NXPE2: variants seen among roughly 807,000 people sequenced by gnomAD.
NXPE2 encodes the protein NXPE family member 2.
Under a neutral mutation model 34.4 loss-of-function variants are expected in NXPE2, and 34 were observed. The observed-to-expected ratio is 0.99, with a 90% CI of 0.75 to 1.31. NXPE2 has a LOEUF of 1.31. Among genes scored for constraint, NXPE2 ranks in the 40% most tolerant of loss-of-function variants. The pLI, the probability that NXPE2 is intolerant of heterozygous loss-of-function variation, is 0.00. For synonymous variants in NXPE2, 235 were observed against 231.3 expected, an observed-to-expected ratio of 1.02 and a Z score of -0.15; for missense variants, 649 against 672.5, an observed-to-expected ratio of 0.97 and a Z score of 0.39.
the NXPE2 span, among the ~76,000 whole-genome samples, chr11:114,800,166 A>C: frequency 6.6e-6 from 1 of 152,218 alleles, no homozygotes. Context: ...AATTCTTATT[A>C]GTTCACAGCA....
chr11:114,655,109 C>T, the NXPE2 span, among the ~76,000 whole-genome samples: 1 of 151,420 alleles, frequency 6.6e-6, no homozygotes, highest in African/African-American at 2.4e-5. Context: ...GTTTGTTTGC[C>T]ACGTAAATAT....
chr11:114,761,257 T>A, the NXPE2 span, among the ~76,000 whole-genome samples: 1 of 152,340 alleles, frequency 6.6e-6, no homozygotes, highest in Non-Finnish European at 1.5e-5. Flanking sequence ...ACCAACATTT[T>A]GGGAAAGCAG....
At chr11:114,631,787 C>G in the NXPE2 span, among the ~76,000 whole-genome samples, 3 of 151,004 alleles carry the variant, frequency 2.0e-5, no homozygotes, top group Non-Finnish European at 3.0e-5. Flanking sequence ...CATGAGTAAT[C>G]ACTGTTACCC....
the NXPE2 span, among the ~76,000 whole-genome samples, chr11:114,789,414 G>T: frequency 6.6e-6 from 1 of 152,080 alleles, no homozygotes; most frequent in Non-Finnish European, 1.5e-5. Context: ...CTACAAAAAT[G>T]GTTATTTCCT....
the NXPE2 span, among the ~76,000 whole-genome samples, chr11:114,577,459 G>A: frequency 6.6e-6 from 1 of 152,008 alleles, no homozygotes; most frequent in Non-Finnish European, 1.5e-5. Context: ...TACACTGCTC[G>A]GGCGATGGGT....
the NXPE2 span, among the ~76,000 whole-genome samples, chr11:114,613,661 G>T: frequency 3.3e-5 from 5 of 152,048 alleles, no homozygotes; most frequent in African/African-American, 1.2e-4. Context: ...GGTAACCACA[G>T]TTACCCAGTG....
At chr11:114,727,821 C>G in the NXPE2 span, among the ~76,000 whole-genome samples, 3 of 83,826 alleles carry the variant, frequency 3.6e-5, no homozygotes, top group African/African-American at 1.1e-4. Flanking sequence ...ACACACATAT[C>G]TTTCCCCTTC....
At chr11:114,614,834 G>A in the NXPE2 span, among the ~76,000 whole-genome samples, 1 of 151,958 alleles carries the variant, frequency 6.6e-6, no homozygotes, top group African/African-American at 2.4e-5. Flanking sequence ...GTTATCTGGT[G>A]GATAACAAGT....
At chr11:114,754,702 T>C in the NXPE2 span, among the ~76,000 whole-genome samples, 3 of 150,086 alleles carry the variant, frequency 2.0e-5, no homozygotes, top group African/African-American at 7.4e-5. Flanking sequence ...TGCCAGGGAG[T>C]GAGAGCTCCA....
chr11:114,722,364 A>G, the NXPE2 span, among the ~76,000 whole-genome samples: 3 of 151,930 alleles, frequency 2.0e-5, no homozygotes, highest in Non-Finnish European at 4.4e-5. Flanking sequence ...CCATGACAGT[A>G]AGTATCCTGA....
chr11:114,583,877 G>T, the NXPE2 span: 3 of 391,912 alleles, frequency 7.7e-6, no homozygotes, highest in South Asian at 6.4e-5. Flanking sequence ...CCCAGGAGAT[G>T]GGGACTTATG....
At chr11:114,628,160 C>G in the NXPE2 span, among the ~76,000 whole-genome samples, 1 of 143,832 alleles carries the variant, frequency 7.0e-6, no homozygotes, top group Non-Finnish European at 1.5e-5. Context: ...CAGCTCTGCA[C>G]CAAGTGGACC....
At chr11:114,755,778 C>T in the NXPE2 span, among the ~76,000 whole-genome samples, 5 of 151,624 alleles carry the variant, frequency 3.3e-5, no homozygotes, top group Non-Finnish European at 7.4e-5. Flanking sequence ...CCTATCTTAT[C>T]TATCTTGTTC....
the NXPE2 span, among the ~76,000 whole-genome samples, chr11:114,541,112 T>G: frequency 6.6e-6 from 1 of 152,096 alleles, no homozygotes. Flanking sequence ...TTGGGTCAGT[T>G]TGCAGTTTGA....
chr11:114,679,834 G>A, intron 2 of NXPE2, 72 bp downstream of exon 2: 1 of 857,160 alleles, frequency 1.2e-6, no homozygotes, highest in East Asian at 2.7e-5. Flanking sequence ...CCTTTATCAT[G>A]GCAAGAAATA....
intron 2 of NXPE2, among the ~76,000 whole-genome samples, chr11:114,681,279 C>T (rs1206952796): frequency 1.3e-5 from 2 of 152,170 alleles, no homozygotes; most frequent in African/African-American, 4.8e-5. Context: ...TATTGTGTGT[C>T]AGGCACTGGT....
upstream of NXPE2, among the ~76,000 whole-genome samples, chr11:114,674,380 TGAA>T (rs1352082425): frequency 2.0e-5 from 3 of 151,706 alleles, no homozygotes; most frequent in Admixed American, 2.0e-4. Context: ...TCTATGGAGC[TGAA>T]TAATTTCACT....
the NXPE2 span, chr11:114,559,881 T>C: frequency 6.6e-6 from 1 of 152,216 alleles, no homozygotes; most frequent in African/African-American, 2.4e-5. Context: ...GTAAAATGTT[T>C]TTGTTCCTTG....
At chr11:114,548,384 A>G in the NXPE2 span, among the ~76,000 whole-genome samples, 1 of 152,146 alleles carries the variant, frequency 6.6e-6, no homozygotes, top group African/African-American at 2.4e-5. Flanking sequence ...AGAGGAACAT[A>G]TGAAACCTTT....
Sources: allele counts gnomAD v4.1 joint callset (sites outside exome capture counted in the v4.1 genomes callset), GRCh38; gene constraint gnomAD v4.1.1; transcripts MANE v1.5; gene names NCBI Gene and HGNC (gene_info 2026-07-23, HGNC 2026-07-21).